The following PCDHGA5 variants were observed in gnomAD, a reference collection of about 807,000 sequenced individuals.
The protein encoded by PCDHGA5 is protocadherin gamma subfamily A, 5.
Under a neutral mutation model 56.7 loss-of-function variants are expected in PCDHGA5, and 36 were observed. The observed-to-expected ratio is 0.64, with a 90% confidence interval of 0.49 to 0.84. The LOEUF is 0.84. Among genes scored for constraint, PCDHGA5 ranks in the 40% least tolerant of loss-of-function variants. The probability of loss-of-function intolerance (pLI) is 0.00; values close to 1 mark genes in which losing one functional copy is unlikely to be tolerated. For missense variants in PCDHGA5, 1,305 were observed against 1,201.5 expected (o/e 1.09, Z -1.27); for synonymous variants, 563 against 520.2 (o/e 1.08, Z -1.12).
chr5:141,407,656 C>T (rs1333500318), intron 1 of PCDHGA5, among the ~76,000 whole-genome samples: 1 of 151,756 alleles, frequency 6.6e-6, no homozygotes, highest in Admixed American at 6.6e-5. Flanking sequence ...TGGGGGAGCG[C>T]AGTATATATT....
chr5:141,365,924 G>T lies in PCDHGA5; in HGVS notation c.1594G>T (p.Val532Leu). Residue 532 changes from valine to leucine, a missense_variant, in exon 1 of 4, where the codon GTG becomes TTG. Val to Leu is a conservative substitution (Grantham distance 32). Transcript: ENST00000518069. Reference protein sequence around the residue: ...YEQLRDLQLWVTASDSGNPPL... With the variant: ...YEQLRDLQLWLTASDSGNPPL... ...GCAGTTGAGAGACCTACAGTTGTGGGTGACAGCCAGCGACAGTGGGAACCC... is the reference window on the plus strand; with the variant it reads ...GCAGTTGAGAGACCTACAGTTGTGGTTGACAGCCAGCGACAGTGGGAACCC... The T allele has an allele frequency of 6.2e-7, 1 of 1,614,212 alleles. No homozygotes were observed. Among genetic ancestry groups the T allele is most frequent in the Non-Finnish European group, 8.5e-7 (1 of 1,180,042 alleles).
chr5:141,438,599 T>C (rs1320902737), intron 1 of PCDHGA5, among the ~76,000 whole-genome samples: 17 of 32,510 alleles, frequency 5.2e-4, no homozygotes, highest in African/African-American at 6.7e-4. Flanking sequence ...TACATATATA[T>C]ATATATATAT....
In PCDHGA5 at chr5:141,431,775, A is replaced by T; in HGVS notation, c.2422-63032A>T. 6.2e-7 allele frequency: 1 copy of T among 1,614,204 alleles called. No homozygotes were observed. Among genetic ancestry groups the T allele is most frequent in the Non-Finnish European group, 8.5e-7 (1 of 1,180,024 alleles). ...GCCAAAGTCCTGATCACTGTTCTGG[A>T]CGTGAACGACAATGCCCCAGAAGTG... On this transcript the variant is annotated intron_variant, in intron 1 of 3. Transcript: ENST00000518069. This position sits in a 1 kb window ranked among gnomAD's most constrained non-coding sequence, Gnocchi z 4.8.
Position 141,487,203 on chromosome 5 carries a change from G to A in PCDHGA5, c.2422-7604G>A, listed in dbSNP as rs765707343. 6.8e-6 allele frequency: 11 copies of A among 1,613,804 alleles called. No homozygotes were observed. The highest frequency in any genetic ancestry group is 5.3e-5 in the African/African-American group (4 of 74,890). The stretch of plus-strand genomic sequence containing the variant: ...ACTCATCCAGTTGTCCCAGATCTTC[G>A]AGAATCTTCAGCTCCAAGGGAAGGA... On this transcript the variant is annotated intron_variant, in intron 1 of 3. Transcript: ENST00000518069. This position sits in a 1 kb window ranked among gnomAD's most constrained non-coding sequence, Gnocchi z 5.0.
At chr5:141,397,842 G>T (rs7703108) in intron 1 of PCDHGA5, 79,958 of 516,008 alleles carry the variant, frequency 0.15, 7,302 homozygotes, top group African/African-American at 0.31. Flanking sequence ...ACTTGAAGCC[G>T]CAGAGGCTGT....
At chr5:141,404,773 C>T (rs753809742) in intron 1 of PCDHGA5, 1 of 1,613,856 alleles carries the variant, frequency 6.2e-7, no homozygotes, top group South Asian at 1.1e-5. Flanking sequence ...TCTCCTACCG[C>T]CTATTCAAGG....
In PCDHGA5 at chr5:141,432,536, G is replaced by A. The variant is rs767744134; in HGVS notation, c.2422-62271G>A. 6.2e-7 allele frequency: 1 copy of A among 1,614,050 alleles called. No individual in the cohort carries two copies. Among genetic ancestry groups the A allele is most frequent in the Non-Finnish European group, 8.5e-7 (1 of 1,180,006 alleles). On this transcript the variant is annotated intron_variant, in intron 1 of 3. Coordinates refer to ENST00000518069, the MANE Select transcript of PCDHGA5 (RefSeq NM_018918.3). This position sits in a 1 kb window ranked among gnomAD's most constrained non-coding sequence, Gnocchi z 6.0. ...CGGCTACCTGGTGACCAAGGTGGTG[G>A]CGGTGGACAGAGACTCCGGCCAGAA...
At chr5:141,418,901 A>G in intron 1 of PCDHGA5, 1 of 1,614,016 alleles carries the variant, frequency 6.2e-7, no homozygotes, top group East Asian at 2.2e-5. Context: ...CCCAGAAATA[A>G]TCATCACGTC....
At chr5:141,420,252 C>T (rs745697672) in intron 1 of PCDHGA5, 1 of 1,576,604 alleles carries the variant, frequency 6.3e-7, no homozygotes, top group Non-Finnish European at 8.6e-7. Flanking sequence ...AGCGTTGAAG[C>T]AGATAAGAAG....
rs778986920 is a variant in PCDHGA5 at position 141,366,178 on chromosome 5, C to T, written c.1848C>T (p.Leu616=). 3 of 1,614,044 alleles carry T rather than the reference C, an allele frequency of 1.9e-6. No homozygotes were observed. The highest frequency in any genetic ancestry group is 2.2e-5 in the East Asian group (1 of 44,886). The part of the protein sequence containing the change: ...YRLLKASEPG[L]FAVGLHTGEV... ...TGCTTAAGGCCAGCGAGCCAGGACTCTTTGCGGTTGGGCTGCACACGGGCG... is the reference window on the plus strand; with the variant it reads ...TGCTTAAGGCCAGCGAGCCAGGACTTTTTGCGGTTGGGCTGCACACGGGCG... The change falls in exon 1 of 4, where the codon CTC becomes CTT. Residue 616 remains leucine (L), a synonymous_variant. Coordinates refer to ENST00000518069, the MANE Select transcript of PCDHGA5 (RefSeq NM_018918.3).
intron 1 of PCDHGA5, among the ~76,000 whole-genome samples, chr5:141,480,960 A>G (rs954219522): frequency 1.3e-5 from 2 of 152,190 alleles, no homozygotes; most frequent in African/African-American, 4.8e-5. Context: ...CGGAAGCATC[A>G]GTGAGGGAGA....
At chr5:141,387,089 G>A (rs1034064461) in intron 1 of PCDHGA5, among the ~76,000 whole-genome samples, 1 of 152,162 alleles carries the variant, frequency 6.6e-6, no homozygotes, top group Non-Finnish European at 1.5e-5. Flanking sequence ...TGTGATCATC[G>A]AAATGAGAAT....
At chr5:141,501,423 A>G (rs1195105794) in intron 2 of PCDHGA5, among the ~76,000 whole-genome samples, 4 of 151,966 alleles carry the variant, frequency 2.6e-5, no homozygotes, top group African/African-American at 7.2e-5. Flanking sequence ...AGTTGACTAA[A>G]TGTAGTCCAT....
chr5:141,457,574 T>C (rs992522039), intron 1 of PCDHGA5, among the ~76,000 whole-genome samples: 2 of 152,238 alleles, frequency 1.3e-5, no homozygotes, highest in Non-Finnish European at 2.9e-5. Context: ...AAAATTTTTC[T>C]CTCCAGTCCT....
intron 1 of PCDHGA5, among the ~76,000 whole-genome samples, chr5:141,429,629 C>G (rs2097230011): frequency 1.3e-5 from 2 of 152,160 alleles, no homozygotes; most frequent in Admixed American, 1.3e-4. Flanking sequence ...TATTTTCTCA[C>G]AGCTACCTAT....
intron 1 of PCDHGA5, chr5:141,367,909 A>C (rs1765390409): frequency 1.3e-5 from 2 of 150,836 alleles, no homozygotes; most frequent in Admixed American, 6.6e-5. Flanking sequence ...TTGTATTTGA[A>C]AAAAAAAGAA....
intron 1 of PCDHGA5, chr5:141,427,931 G>C: frequency 6.3e-7 from 1 of 1,583,764 alleles, no homozygotes; most frequent in Non-Finnish European, 8.6e-7. Flanking sequence ...GGCGCATGTT[G>C]GTGGGCGACC....
intron 1 of PCDHGA5, chr5:141,478,188 C>T (rs770414950): frequency 4.3e-6 from 7 of 1,613,920 alleles, no homozygotes; most frequent in Non-Finnish European, 5.9e-6. Flanking sequence ...AAAAATCTCA[C>T]CTTTTATCTA....
intron 1 of PCDHGA5, among the ~76,000 whole-genome samples, chr5:141,373,204 A>G (rs1769394897): frequency 6.6e-6 from 1 of 152,216 alleles, no homozygotes; most frequent in South Asian, 2.1e-4. Context: ...ATATCTTAAC[A>G]CATTTTTAAT....
Sources: gnomAD v4.1 joint callset for allele counts (sites outside exome capture counted in the v4.1 genomes callset) on GRCh38, gnomAD v4.1.1 for gene constraint, Gnocchi (gnomAD v3.1) non-coding constraint, MANE v1.5 for transcripts, NCBI Gene and HGNC (gene_info 2026-07-23, HGNC 2026-07-21) for gene names.